The following SLC25A24 variants were observed in gnomAD, a reference collection of about 807,000 sequenced individuals.
SLC25A24 encodes the protein mitochondrial adenyl nucleotide antiporter SLC25A24.
In SLC25A24, 49 loss-of-function variants were observed where a neutral mutation model predicts 60.7. That is an observed-to-expected ratio of 0.81 (90% CI 0.64 to 1.02). The LOEUF (loss-of-function observed/expected upper bound fraction) is 1.02, where lower values mean the gene tolerates loss of function less well. SLC25A24 is among the 50% of genes least tolerant of loss of function. SLC25A24 has a pLI of 0.00. For synonymous variants in SLC25A24, 202 were observed against 200.6 expected (o/e 1.01, Z -0.06); for missense variants, 564 against 586.3 (o/e 0.96, Z 0.39).
intron 9 of SLC25A24, among the ~76,000 whole-genome samples, chr1:108,137,139 T>C (rs895217242): frequency 2.0e-5 from 3 of 152,218 alleles, no homozygotes; most frequent in East Asian, 3.9e-4. Context: ...AAGTGAGCAA[T>C]TGGAGGCTTA....
intron 4 of SLC25A24, among the ~76,000 whole-genome samples, chr1:108,160,726 T>TC: frequency 6.6e-6 from 1 of 152,294 alleles, no homozygotes; most frequent in Admixed American, 6.5e-5. Flanking sequence ...GGCTGGTGGA[T>TC]CACTCGCGGT....
rs770083965 is a variant in SLC25A24, at chr1:108,185,968, T to C, written c.184-14A>G. On this transcript the variant is annotated splice_polypyrimidine_tract_variant and intron_variant, in intron 1 of 9. Coordinates refer to ENST00000565488, the MANE Select transcript of SLC25A24 (RefSeq NM_013386.5). Reference sequence around the variant, plus strand: ...AGTAAAAATTTTCTATAAAAAAAAATTAGAGAGAAGTTATTGCCAATATGG... The same window carrying C: ...AGTAAAAATTTTCTATAAAAAAAAACTAGAGAGAAGTTATTGCCAATATGG... The C allele has an allele frequency of 6.5e-7, 1 of 1,543,250 alleles. No individual in the cohort carries two copies. The highest frequency in any genetic ancestry group is 1.2e-5 in the South Asian group (1 of 81,704).
intron 7 of SLC25A24, 26 bp from the exon 8 acceptor site, chr1:108,143,736 G>T (rs374449814): frequency 1.4e-5 from 22 of 1,577,162 alleles, no homozygotes; most frequent in Non-Finnish European, 1.9e-5. Flanking sequence ...AACAAAATAT[G>T]ATTGTTCATA....
intron 3 of SLC25A24, 140 bp from the exon 4 acceptor site, chr1:108,161,433 G>A (rs540330123): frequency 1.7e-6 from 1 of 601,362 alleles, no homozygotes; most frequent in South Asian, 2.1e-5. Context: ...ACAAATATAG[G>A]TTGTTGGAAA....
chr1:108,160,398 G>A (rs987189366), intron 4 of SLC25A24, among the ~76,000 whole-genome samples: 11 of 150,832 alleles, frequency 7.3e-5, no homozygotes, highest in African/African-American at 2.2e-4. Context: ...GACGATGGGC[G>A]GCCGGGCAGA....
intron 3 of SLC25A24, among the ~76,000 whole-genome samples, chr1:108,167,107 G>A (rs958586936): frequency 1.8e-4 from 28 of 151,930 alleles, no homozygotes; most frequent in Non-Finnish European, 3.1e-4. Context: ...CTGCTCGGGC[G>A]TCAGGGGTCA....
chr1:108,190,737 A>C (rs1427467867), intron 1 of SLC25A24, among the ~76,000 whole-genome samples: 1 of 123,580 alleles, frequency 8.1e-6, no homozygotes, highest in African/African-American at 2.8e-5. Context: ...ATATAAACAA[A>C]TTTTCCTACT....
At chr1:108,161,377 T>C in intron 3 of SLC25A24, 84 bp from the exon 4 acceptor site, 1 of 743,174 alleles carries the variant, frequency 1.3e-6, no homozygotes, top group Admixed American at 2.4e-5. Flanking sequence ...AGAATGACAG[T>C]TTCTTTTCTA....
chr1:108,183,247 G>A (rs954343087), intron 2 of SLC25A24, among the ~76,000 whole-genome samples: 1 of 152,222 alleles, frequency 6.6e-6, no homozygotes, highest in Admixed American at 6.5e-5. Flanking sequence ...TCCTCCTGGG[G>A]AGAGGGAAGG....
At chr1:108,167,636 C>A (rs531416058) in intron 3 of SLC25A24, among the ~76,000 whole-genome samples, 1 of 152,358 alleles carries the variant, frequency 6.6e-6, no homozygotes, top group African/African-American at 2.4e-5. Flanking sequence ...GGCAATGCCT[C>A]GCCCTGCTTC....
intron 5 of SLC25A24, among the ~76,000 whole-genome samples, chr1:108,155,684 G>C (rs182189243): frequency 2.0e-3 from 310 of 152,158 alleles, no homozygotes; most frequent in Non-Finnish European, 3.2e-3. Flanking sequence ...AATGCATACA[G>C]CCTGAAACCA....
At chr1:108,142,893 G>A (rs1169980533) in intron 8 of SLC25A24, among the ~76,000 whole-genome samples, 1 of 151,816 alleles carries the variant, frequency 6.6e-6, no homozygotes, top group Non-Finnish European at 1.5e-5. Flanking sequence ...AAAAAAATTC[G>A]ACTCTTCTTT....
chr1:108,142,113 A>T (rs942400620), intron 8 of SLC25A24, among the ~76,000 whole-genome samples: 1 of 152,234 alleles, frequency 6.6e-6, no homozygotes, highest in Non-Finnish European at 1.5e-5. Flanking sequence ...AAGCTTTTTT[A>T]AAATGGAAAT....
intron 7 of SLC25A24, among the ~76,000 whole-genome samples, chr1:108,144,819 C>G (rs148194467): frequency 1.7e-3 from 258 of 152,264 alleles, no homozygotes; most frequent in Non-Finnish European, 2.8e-3. Context: ...TTTTGTTTAT[C>G]TAGTCTATCA....
chr1:108,179,620 T>C lies in SLC25A24; in HGVS notation c.398+2321A>G, dbSNP rs1401571952. The stretch of plus-strand genomic sequence containing the variant: ...ATCCTGTTATCTGTAACAATATGAA[T>C]GAAATAAGCCAGGTAAAGACAAATA... On this transcript the variant is annotated intron_variant, in intron 3 of 9. Transcript: ENST00000565488. Among the ~76,000 whole-genome samples the C allele has an allele frequency of 2.0e-5, 3 of 151,940 alleles. No homozygotes were observed. The East Asian group carries it at 5.8e-4, about 29-fold the overall frequency.
chr1:108,174,192 C>T (rs1056997740), intron 3 of SLC25A24, among the ~76,000 whole-genome samples: 3 of 152,162 alleles, frequency 2.0e-5, no homozygotes, highest in African/African-American at 4.8e-5. Context: ...CATCATAGGC[C>T]CAGAGGCCCA....
At chr1:108,180,657 T>G (rs982226206) in intron 3 of SLC25A24, among the ~76,000 whole-genome samples, 1 of 108,228 alleles carries the variant, frequency 9.2e-6, no homozygotes, top group East Asian at 3.0e-4. Flanking sequence ...TCTCTCTCTC[T>G]CTCTCTCTCT....
rs1317058596 is a variant in SLC25A24, at chr1:108,157,552, T to C, written c.579A>G (p.Gln193=). 6.2e-7 allele frequency: 1 copy of C among 1,614,114 alleles called. No homozygotes were observed. Among genetic ancestry groups the C allele is most frequent in the Non-Finnish European group, 8.5e-7 (1 of 1,180,008 alleles). The stretch of plus-strand genomic sequence containing the variant: ...CTCCTGCCAAAAGCTGCCTCCACCA[T>C]TGTCCGGATTTTTTTTCGTCTTCCG... ...EFTEDEKKSG[Q]WWRQLLAGGI... is the part of the protein sequence containing the mutation. The change falls in exon 5 of 10, where the codon CAA becomes CAG. Residue 193 remains glutamine, a synonymous_variant. Transcript: ENST00000565488.
intron 3 of SLC25A24, among the ~76,000 whole-genome samples, chr1:108,163,937 A>G (rs1464564967): frequency 2.0e-5 from 3 of 152,190 alleles, no homozygotes; most frequent in Non-Finnish European, 4.4e-5. Flanking sequence ...TTTGTCATAG[A>G]TAGCTGTTAT....
Sources: gnomAD v4.1 joint callset for allele counts (sites outside exome capture counted in the v4.1 genomes callset) on GRCh38, gnomAD v4.1.1 for gene constraint, MANE v1.5 for transcripts, NCBI Gene and HGNC (gene_info 2026-07-23, HGNC 2026-07-21) for gene names.